ARHGEF11: variants seen among roughly 807,000 people sequenced by gnomAD.
ARHGEF11 encodes Rho guanine nucleotide exchange factor 11.
Under a neutral mutation model 193.7 loss-of-function variants are expected in ARHGEF11, and 55 were observed. The observed-to-expected ratio is 0.28, with a 90% CI of 0.23 to 0.36. The LOEUF (loss-of-function observed/expected upper bound fraction) is 0.36. Ranked by LOEUF, ARHGEF11 falls within the 10% of genes least tolerant of loss-of-function variation. The probability of loss-of-function intolerance (pLI) is 1.00; values close to 1 mark genes in which losing one functional copy is unlikely to be tolerated. For synonymous variants in ARHGEF11, 693 were observed against 768.0 expected, an observed-to-expected ratio of 0.90 and a Z score of 1.62; for missense variants, 1,723 against 2,005.6, an observed-to-expected ratio of 0.86 and a Z score of 2.69.
At chr1:156,969,249 G>T in intron 10 of ARHGEF11, 33 bp downstream of exon 10, 5 of 1,560,276 alleles carry the variant, frequency 3.2e-6, no homozygotes, top group Non-Finnish European at 4.4e-6. Context: ...CCGAATGCAC[G>T]TTCTGAATGG....
chr1:157,021,896 T>C (rs11581057), intron 1 of ARHGEF11, among the ~76,000 whole-genome samples: 11,779 of 152,270 alleles, frequency 0.077, 539 homozygotes, highest in Non-Finnish European at 0.096. Context: ...TGGTTTAACA[T>C]ATGAATCTCA....
At position 157,008,406 on chromosome 1, in the gene ARHGEF11, G is replaced by GCGCA. The variant is rs376954050; in HGVS notation, c.33-22234_33-22233insTGCG. ...GAGACATCAGGAAGCTTGCACGCAC[G>GCGCA]CACACACACACACACACACACACAC... On this transcript the variant is annotated intron_variant, in intron 1 of 40. Transcript: ENST00000368194. Among the ~76,000 whole-genome samples, 104 of 149,222 alleles carry GCGCA rather than the reference G, an allele frequency of 7.0e-4. 1 individual carries two copies. In the East Asian group the frequency reaches 8.2e-3, roughly 12 times the overall value.
intron 39 of ARHGEF11, 94 bp downstream of exon 39, chr1:156,937,155 A>T: frequency 6.3e-7 from 1 of 1,585,474 alleles, no homozygotes; most frequent in Non-Finnish European, 8.6e-7. Context: ...GACAGGATCT[A>T]GGGCTCCCGC....
chr1:156,941,318 T>C lies in ARHGEF11; in HGVS notation c.3514+54A>G. On this transcript the variant is annotated intron_variant, in intron 35 of 40. Transcript: ENST00000368194. The stretch of plus-strand genomic sequence containing the variant: ...CGCCCCCATACTCACACCCAACCTG[T>C]GCCTACAGAAAAAGGCCTGGGCTGG... 1.9e-6 allele frequency: 3 copies of C among 1,579,088 alleles called. No homozygotes were observed. The South Asian group carries it at 3.3e-5, about 17-fold the overall frequency.
At chr1:156,941,569 G>T in intron 34 of ARHGEF11, 136 bp from the exon 35 acceptor site, 1 of 1,010,526 alleles carries the variant, frequency 9.9e-7, no homozygotes, top group Non-Finnish European at 1.5e-6. Context: ...TGGCAACCCA[G>T]AGAGGAGGGG....
intron 2 of ARHGEF11, among the ~76,000 whole-genome samples, chr1:156,985,033 A>G (rs1664723332): frequency 6.6e-6 from 1 of 152,036 alleles, no homozygotes; most frequent in East Asian, 1.9e-4. Context: ...CTTTAAAAAA[A>G]TACAGAATTA....
chr1:157,013,300 C>CACACACACA, intron 1 of ARHGEF11, among the ~76,000 whole-genome samples: 26 of 133,914 alleles, frequency 1.9e-4, no homozygotes, highest in Non-Finnish European at 2.8e-4. Flanking sequence ...CACACACACA[C>CACACACACA]CAAGAACCTT....
chr1:156,970,029 T>C lies in ARHGEF11; in HGVS notation c.717A>G (p.Leu239=). 3 of 1,613,958 alleles carry C rather than the reference T, an allele frequency of 1.9e-6. No individual in the cohort carries two copies. The highest frequency in any genetic ancestry group is 2.2e-5 in the East Asian group (1 of 44,854). Residue 239 remains leucine (L), a synonymous_variant, in exon 9 of 41, where the codon CTA becomes CTG. Transcript: ENST00000368194. ...ATGGTCTCTGGCTGGTGTCACCATA[T>C]AGTGGAAGTATGTCCTGAAACAGAA... ...ETGGSVDILP[L]YGDTSQRPSE...
chr1:156,939,919 G>GA lies in ARHGEF11; in HGVS notation c.3734-10dup. The GA allele has an allele frequency of 6.3e-7, 1 of 1,599,448 alleles. No individual in the cohort carries two copies. The highest frequency in any genetic ancestry group is 8.5e-7 in the Non-Finnish European group (1 of 1,179,070). On this transcript the variant is annotated splice_polypyrimidine_tract_variant and intron_variant, in intron 36 of 40. Coordinates refer to ENST00000368194, the MANE Select transcript of ARHGEF11 (RefSeq NM_198236.3). Reference sequence around the variant, plus strand: ...ATGTCGCAGGTTCTCCACTGGAGGGGAAACAGGGTGATGTCTTCCCAGCAT... The same window carrying GA: ...ATGTCGCAGGTTCTCCACTGGAGGGGAAAACAGGGTGATGTCTTCCCAGCAT...
chr1:156,955,104 C>T (rs922207009), intron 20 of ARHGEF11, among the ~76,000 whole-genome samples, 183 bp from the exon 21 acceptor site: 2 of 152,184 alleles, frequency 1.3e-5, no homozygotes, highest in African/African-American at 4.8e-5. Flanking sequence ...GGCCAGCCCA[C>T]CCCACTGCCC....
chr1:156,961,093 A>G (rs1168001010), intron 14 of ARHGEF11, among the ~76,000 whole-genome samples: 2 of 152,282 alleles, frequency 1.3e-5, no homozygotes, highest in African/African-American at 4.8e-5. Flanking sequence ...CCTTGGAATT[A>G]GTCTAGTTGA....
chr1:157,042,410 G>C (rs1007468545), intron 1 of ARHGEF11, among the ~76,000 whole-genome samples: 1 of 152,108 alleles, frequency 6.6e-6, no homozygotes, highest in Admixed American at 6.5e-5. Context: ...AGTTAGACAT[G>C]ATGGGGCAAT....
At chr1:157,009,556 A>C (rs1175690469) in intron 1 of ARHGEF11, among the ~76,000 whole-genome samples, 1 of 152,220 alleles carries the variant, frequency 6.6e-6, no homozygotes, top group Non-Finnish European at 1.5e-5. Flanking sequence ...CATCAAGGAG[A>C]GCTATCCTAA....
chr1:157,004,573 T>C (rs1451281232), intron 1 of ARHGEF11, among the ~76,000 whole-genome samples: 3 of 152,122 alleles, frequency 2.0e-5, no homozygotes, highest in Non-Finnish European at 4.4e-5. Flanking sequence ...TCTGAACCAC[T>C]GCATAGCCGA....
Position 156,948,007 on chromosome 1 carries a change from G to C in ARHGEF11, c.2154-51C>G, listed in dbSNP as rs1258287493. On this transcript the variant is annotated intron_variant, in intron 24 of 40. Transcript: ENST00000368194. The surrounding 1 kb of genome is among the most constrained non-coding windows in gnomAD (Gnocchi z 4.2). ...TCATTTAGGAGGAAGAACTCACACA[G>C]AGGGTTTGGCCCTCCCTCTCCTGCC... is the stretch of plus-strand genomic sequence containing the variant. The C allele has an allele frequency of 1.3e-6, 2 of 1,596,954 alleles. No individual in the cohort carries two copies. Among genetic ancestry groups the C allele is most frequent in the Non-Finnish European group, 1.7e-6 (2 of 1,168,926 alleles).
At chr1:157,000,856 G>A (rs1434627750) in intron 1 of ARHGEF11, among the ~76,000 whole-genome samples, 1 of 152,184 alleles carries the variant, frequency 6.6e-6, no homozygotes, top group African/African-American at 2.4e-5. Context: ...GTAATGGGGG[G>A]CAGAAGTGGG....
chr1:156,946,172 A>C lies in ARHGEF11; in HGVS notation c.2695-10T>G. Reference sequence around the variant, plus strand: ...GGTGGCTCTCAGCCTCCTAGACAGCAGGAGACACAGAAGGGAGGAGATGTC... The same window carrying C: ...GGTGGCTCTCAGCCTCCTAGACAGCCGGAGACACAGAAGGGAGGAGATGTC... On this transcript the variant is annotated splice_polypyrimidine_tract_variant and intron_variant, in intron 28 of 40. Coordinates refer to ENST00000368194, the MANE Select transcript of ARHGEF11 (RefSeq NM_198236.3). 1 of 1,611,272 alleles carries C rather than the reference A, an allele frequency of 6.2e-7. No homozygotes were observed. Among genetic ancestry groups the C allele is most frequent in the Admixed American group, 1.7e-5 (1 of 59,988 alleles).
intron 1 of ARHGEF11, among the ~76,000 whole-genome samples, chr1:157,007,813 AT>A (rs1668007208): frequency 5.3e-5 from 8 of 152,014 alleles, no homozygotes; most frequent in Non-Finnish European, 8.8e-5. Flanking sequence ...CTCTGTAACC[AT>A]ATTATCTAAT....
At chr1:157,036,256 T>G (rs906808404) in intron 1 of ARHGEF11, among the ~76,000 whole-genome samples, 1 of 149,802 alleles carries the variant, frequency 6.7e-6, no homozygotes, top group African/African-American at 2.4e-5. Flanking sequence ...CATGCTAATC[T>G]CCTCAAACCA....
Sources: gnomAD v4.1 joint callset for allele counts (sites outside exome capture counted in the v4.1 genomes callset) on GRCh38, gnomAD v4.1.1 for gene constraint, Gnocchi (gnomAD v3.1) non-coding constraint, MANE v1.5 for transcripts, NCBI Gene and HGNC (gene_info 2026-07-23, HGNC 2026-07-21) for gene names.